The following STS variants were observed in gnomAD, a reference collection of about 807,000 sequenced individuals.
STS encodes the protein steryl-sulfatase.
In STS, 7 loss-of-function variants were observed where a neutral mutation model predicts 26.8. The observed-to-expected ratio is 0.26, with a 90% CI of 0.15 to 0.49. STS has a LOEUF of 0.49. STS is among the 20% of genes least tolerant of loss of function. The pLI, the probability that STS is intolerant of heterozygous loss-of-function variation, is 0.98. For synonymous variants in STS, 199 were observed against 189.4 expected (o/e 1.05, Z -0.42); for missense variants, 434 against 465.6 (o/e 0.93, Z 0.63).
intron 2 of STS, among the ~76,000 whole-genome samples, chrX:7,224,546 A>G (rs1243394467): frequency 5.4e-5 from 6 of 111,744 alleles, no homozygotes; most frequent in African/African-American, 2.0e-4. Context: ...AAGAGACCCC[A>G]GAGAGCTCCC....
At chrX:7,181,937 G>A (rs802891) in intron 1 of STS, among the ~76,000 whole-genome samples, 8,911 of 110,194 alleles carry the variant, frequency 0.081, 310 homozygotes, top group Middle Eastern at 0.14. Context: ...TATACAAATC[G>A]GTGGCACACA....
At chrX:7,314,356 C>CA (rs1412989310) in intron 8 of STS, among the ~76,000 whole-genome samples, 8 of 109,231 alleles carry the variant, frequency 7.3e-5, no homozygotes, top group Admixed American at 2.9e-4. Context: ...GATCCTGTCT[C>CA]AAAAAAAAAG....
chrX:7,183,673 C>G (rs945794652), intron 1 of STS, among the ~76,000 whole-genome samples: 1 of 112,243 alleles, frequency 8.9e-6, no homozygotes, highest in Admixed American at 9.4e-5. Flanking sequence ...GCCTTCCATT[C>G]TTTTTGAGAT....
At chrX:7,179,545 G>GT (rs1933643088) in intron 1 of STS, among the ~76,000 whole-genome samples, 1 of 112,420 alleles carries the variant, frequency 8.9e-6, no homozygotes, top group South Asian at 3.7e-4. Flanking sequence ...CATGGTACAT[G>GT]TATTCACACC....
At chrX:7,227,454 T>G (rs1431820763) in intron 2 of STS, among the ~76,000 whole-genome samples, 1 of 110,208 alleles carries the variant, frequency 9.1e-6, no homozygotes, top group Non-Finnish European at 1.9e-5. Flanking sequence ...CGTTGTTTTT[T>G]TTTTTTTTTA....
Position 7,339,039 on chromosome X carries a change from G to A in STS, c.1363+4932G>A, listed in dbSNP as rs1365099665. On this transcript the variant is annotated intron_variant, in intron 10 of 10. Transcript: ENST00000674429. The stretch of plus-strand genomic sequence containing the variant: ...AACCAGCTTACCGTGGTAACATAAA[G>A]AAAAGTGCTCGCATGGCTCACTGTC... Among the ~76,000 whole-genome samples the A allele has an allele frequency of 2.7e-5, 3 of 111,908 alleles. No homozygotes were observed. The Admixed American group carries it at 2.8e-4, about 11-fold the overall frequency.
intron 2 of STS, among the ~76,000 whole-genome samples, chrX:7,204,904 G>A (rs1448763149): frequency 5.9e-5 from 6 of 101,422 alleles, no homozygotes; most frequent in East Asian, 3.0e-4. Flanking sequence ...TCCCTCCTTC[G>A]CTCTCTCTCT....
chrX:7,256,040 G>C (rs1314184617), intron 3 of STS, among the ~76,000 whole-genome samples: 1 of 111,578 alleles, frequency 9.0e-6, no homozygotes, highest in African/African-American at 3.3e-5. Flanking sequence ...ATGGACTACT[G>C]TTCCAAATAT....
intron 2 of STS, among the ~76,000 whole-genome samples, chrX:7,245,385 G>A (rs1922817159): frequency 8.9e-6 from 1 of 111,747 alleles, no homozygotes; most frequent in Non-Finnish European, 1.9e-5. Flanking sequence ...CTGGCATGAG[G>A]GCCTTTTAAT....
intron 1 of STS, among the ~76,000 whole-genome samples, chrX:7,168,193 G>A (rs904012689): frequency 1.8e-5 from 2 of 111,043 alleles, no homozygotes; most frequent in African/African-American, 3.3e-5. Context: ...CCCAGAAGGC[G>A]ATCTTAGAAC....
intron 2 of STS, among the ~76,000 whole-genome samples, chrX:7,234,850 T>C (rs751264936): frequency 5.4e-5 from 6 of 112,133 alleles, no homozygotes; most frequent in Admixed American, 2.8e-4. Flanking sequence ...GTGTTTTTTT[T>C]CTTACAAAAT....
chrX:7,221,825 C>T (rs1921582177), intron 2 of STS, among the ~76,000 whole-genome samples: 1 of 112,237 alleles, frequency 8.9e-6, no homozygotes, highest in South Asian at 3.8e-4. Flanking sequence ...ACCTAATATA[C>T]ACAGCATACT....
At chrX:7,158,716 G>A (rs979701045) in intron 1 of STS, among the ~76,000 whole-genome samples, 2 of 111,554 alleles carry the variant, frequency 1.8e-5, no homozygotes. Context: ...GTAGGGTGGG[G>A]AGAAAGGGAA....
intron 2 of STS, among the ~76,000 whole-genome samples, chrX:7,206,847 G>T (rs970667347): frequency 7.1e-5 from 8 of 112,128 alleles, no homozygotes; most frequent in African/African-American, 2.6e-4. Context: ...ACTTAGTTTT[G>T]GTTTGGCAGA....
At chrX:7,152,616 G>A (rs185644668) in intron 1 of STS, among the ~76,000 whole-genome samples, 345 of 113,094 alleles carry the variant, frequency 3.1e-3, no homozygotes, top group Non-Finnish European at 4.8e-3. Flanking sequence ...ATGGCACCCA[G>A]CCCTAACATT....
chrX:7,169,326 C>G (rs1164512924), intron 1 of STS, among the ~76,000 whole-genome samples: 3 of 112,402 alleles, frequency 2.7e-5, no homozygotes, highest in African/African-American at 9.7e-5. Context: ...CCTTTCTCTT[C>G]TCTCTTCTTT....
At chrX:7,202,902 C>T (rs900950082) in intron 2 of STS, among the ~76,000 whole-genome samples, 9 of 110,882 alleles carry the variant, frequency 8.1e-5, no homozygotes, top group African/African-American at 2.9e-4. Flanking sequence ...CTATCTCTAT[C>T]TCTGTGTGTC....
At position 7,349,964 on chromosome X, in the gene STS, C is replaced by T. The variant is rs752316082; in HGVS notation, c.1440C>T (p.His480=). Residue 480 remains histidine (H), a synonymous_variant, in exon 11 of 11, where the codon CAC becomes CAT. Transcript: ENST00000674429. Reference sequence around the variant, plus strand: ...GTTCCAACGGATGCTTTGCCACACACGTGTGCTTCTGTTTCGGGAGTTATG... The same window carrying T: ...GTTCCAACGGATGCTTTGCCACACATGTGTGCTTCTGTTTCGGGAGTTATG... ...PVGSNGCFAT[H]VCFCFGSYVT... 8.3e-7 allele frequency: 1 copy of T among 1,210,193 alleles called. No homozygotes were observed.
chrX:7,281,048 C>T (rs1457964264), intron 7 of STS, among the ~76,000 whole-genome samples: 1 of 111,403 alleles, frequency 9.0e-6, no homozygotes, highest in Non-Finnish European at 1.9e-5. Flanking sequence ...TGCTTGTAAT[C>T]CCAGCTACTT....
Sources: allele counts gnomAD v4.1 joint callset (sites outside exome capture counted in the v4.1 genomes callset), GRCh38; gene constraint gnomAD v4.1.1; transcripts MANE v1.5; gene names NCBI Gene and HGNC (gene_info 2026-07-23, HGNC 2026-07-21).